Variants in BOP1 observed in about 807,000 individuals in gnomAD.
BOP1 encodes BOP1 ribosomal biogenesis factor.
In BOP1, 54 loss-of-function variants were observed where a neutral mutation model predicts 82.9. The ratio of observed to expected loss-of-function variants is 0.65; its 90% CI spans 0.52 to 0.82. BOP1 has a LOEUF of 0.82. Among genes scored for constraint, BOP1 ranks in the 40% least tolerant of loss-of-function variants. The probability of loss-of-function intolerance (pLI) is 0.00; values close to 1 mark genes in which losing one functional copy is unlikely to be tolerated. For missense variants in BOP1, 1,170 were observed against 1,072.0 expected (o/e 1.09, Z -1.28); for synonymous variants, 566 against 451.1 (o/e 1.25, Z -3.23).
At chr8:144,284,509 A>T (rs1554839261) in intron 2 of BOP1, among the ~76,000 whole-genome samples, 6 of 152,180 alleles carry the variant, frequency 3.9e-5, no homozygotes. Flanking sequence ...GGCCTCCCTG[A>T]CAGAACCATC....
chr8:144,286,589 C>T (rs111697310), intron 2 of BOP1, among the ~76,000 whole-genome samples: 2 of 130,478 alleles, frequency 1.5e-5, no homozygotes, highest in Non-Finnish European at 1.6e-5. Flanking sequence ...GGCAGATGCA[C>T]GGGCGCCATG....
intron 3 of BOP1, among the ~76,000 whole-genome samples, chr8:144,273,257 C>T (rs927297781): frequency 2.0e-5 from 3 of 152,214 alleles, no homozygotes; most frequent in Non-Finnish European, 2.9e-5. Context: ...GCGCTTGGCG[C>T]GAGAGCAGAG....
intron 3 of BOP1, chr8:144,268,419 T>C (rs1456507124): frequency 3.5e-6 from 2 of 575,720 alleles, no homozygotes; most frequent in Non-Finnish European, 6.1e-6. Flanking sequence ...TCTTGTGTTT[T>C]TGATATGATA....
intron 2 of BOP1, among the ~76,000 whole-genome samples, chr8:144,278,554 G>A (rs1237903591): frequency 9.2e-5 from 14 of 152,200 alleles, no homozygotes; most frequent in Admixed American, 3.3e-4. Flanking sequence ...GTCCCGGTTC[G>A]GTGGGAAGAG....
At chr8:144,262,712 C>T in intron 13 of BOP1, 40 bp from the exon 14 acceptor site, 1 of 1,607,308 alleles carries the variant, frequency 6.2e-7, no homozygotes, top group Non-Finnish European at 8.5e-7. Context: ...CCCGCTCTCA[C>T]CTGCAGGGTG....
intron 2 of BOP1, among the ~76,000 whole-genome samples, chr8:144,284,518 T>C (rs1444977844): frequency 6.6e-6 from 1 of 152,126 alleles, no homozygotes; most frequent in Non-Finnish European, 1.5e-5. Flanking sequence ...GACAGAACCA[T>C]CCTGAGACAG....
chr8:144,280,678 C>G (rs1845654593), intron 2 of BOP1, among the ~76,000 whole-genome samples: 1 of 152,168 alleles, frequency 6.6e-6, no homozygotes, highest in African/African-American at 2.4e-5. Context: ...CATGGAAAAC[C>G]CTGTCTCTAC....
At chr8:144,279,434 C>T (rs1415283370) in intron 2 of BOP1, among the ~76,000 whole-genome samples, 1 of 152,184 alleles carries the variant, frequency 6.6e-6, no homozygotes, top group Admixed American at 6.5e-5. Flanking sequence ...CTTAGGACCA[C>T]CACAGACCAG....
intron 3 of BOP1, among the ~76,000 whole-genome samples, chr8:144,269,729 C>T (rs995946905): frequency 2.0e-5 from 3 of 152,210 alleles, no homozygotes; most frequent in Non-Finnish European, 4.4e-5. Flanking sequence ...CAGAAGCCTC[C>T]GCCCGCCGGG....
intron 2 of BOP1, among the ~76,000 whole-genome samples, chr8:144,283,362 G>T (rs1397965607): frequency 6.6e-6 from 1 of 152,216 alleles, no homozygotes; most frequent in African/African-American, 2.4e-5. Flanking sequence ...TCCTGCCCTT[G>T]GGCAACAGCC....
intron 3 of BOP1, among the ~76,000 whole-genome samples, chr8:144,273,194 C>T (rs1845520175): frequency 6.6e-6 from 1 of 152,222 alleles, no homozygotes; most frequent in East Asian, 1.9e-4. Flanking sequence ...GGAGCGGAGG[C>T]CGCCAGCACT....
In BOP1 at chr8:144,263,835, G is replaced by A. The variant is rs1178199633; in HGVS notation, c.1217C>T (p.Ala406Val). The change falls in exon 9 of 16, where the codon GCC becomes GTC. Residue 406 changes from alanine to valine, a missense_variant. Ala to Val is a moderately conservative substitution (Grantham distance 64, BLOSUM62 0). Coordinates refer to ENST00000569669, the MANE Select transcript of BOP1 (RefSeq NM_015201.5). Reference protein sequence around the residue: ...RDLQPFPTCQALVYRGHSDLV... With the variant: ...RDLQPFPTCQVLVYRGHSDLV... ...AGCCCCCTAGTCTCCACTTACCAGG[G>A]CCTGGCACGTGGGGAAGGGCTGCAG... 1.5e-5 allele frequency: 24 copies of A among 1,611,070 alleles called. No homozygotes were observed. Among genetic ancestry groups the A allele is most frequent in the Admixed American group, 6.7e-5 (4 of 59,942 alleles).
chr8:144,269,419 T>C (rs1368969720), intron 3 of BOP1, among the ~76,000 whole-genome samples: 8 of 152,178 alleles, frequency 5.3e-5, no homozygotes, highest in Non-Finnish European at 8.8e-5. Context: ...GACCAGGTGC[T>C]GTGGCCCACG....
chr8:144,289,941 CCTCT>C (rs1242682370), intron 1 of BOP1, among the ~76,000 whole-genome samples: 3 of 152,242 alleles, frequency 2.0e-5, no homozygotes, highest in Admixed American at 1.3e-4. Context: ...CCCACCCACT[CCTCT>C]CTCTGAGCAG....
chr8:144,291,001 G>A lies in BOP1; in HGVS notation c.99+271C>T, dbSNP rs539258342. Among the ~76,000 whole-genome samples the A allele has an allele frequency of 6.8e-4, 103 of 152,358 alleles. 2 individuals carry two copies. The highest frequency in any genetic ancestry group is 2.4e-3 in the African/African-American group (100 of 41,582). On this transcript the variant is annotated intron_variant, in intron 1 of 15. Transcript: ENST00000569669. This position sits in a 1 kb window ranked among gnomAD's most constrained non-coding sequence, Gnocchi z 4.1. ...AGCCGAGCCCTTTTATTGGCAGGAT[G>A]CACAAATGGAACGGCTGGAGAGGCT...
intron 3 of BOP1, chr8:144,266,593 C>T: frequency 1.8e-6 from 2 of 1,098,626 alleles, no homozygotes; most frequent in Non-Finnish European, 2.2e-6. Context: ...ACAGAGCTGA[C>T]GCCGCGCCCC....
intron 3 of BOP1, among the ~76,000 whole-genome samples, chr8:144,270,719 C>G (rs1204873385): frequency 2.0e-5 from 3 of 152,172 alleles, no homozygotes; most frequent in African/African-American, 7.2e-5. Flanking sequence ...AGCCGCCGGG[C>G]AGACGAGTGG....
intron 2 of BOP1, among the ~76,000 whole-genome samples, chr8:144,278,232 C>T (rs587717309): frequency 7.0e-5 from 6 of 85,904 alleles, no homozygotes; most frequent in South Asian, 4.1e-4. Context: ...CGAGGGGGAG[C>T]GCAAGGACGA....
rs1244500521 is a variant in BOP1 at position 144,263,720 on chromosome 8, G to A, written c.1263C>T (p.Val421=). The change falls in exon 10 of 16, where the codon GTC becomes GTT. Residue 421 remains valine, a synonymous_variant. Transcript: ENST00000569669. Reference sequence around the variant, plus strand: ...AAACCAGCCACTGGCCCCCAGGAGAGACACTGAGGCACCGGACAAGGTCAC... The same window carrying A: ...AAACCAGCCACTGGCCCCCAGGAGAAACACTGAGGCACCGGACAAGGTCAC... ...GHSDLVRCLS[V]SPGGQWLVSG... The A allele has an allele frequency of 3.8e-6, 6 of 1,574,906 alleles. No homozygotes were observed. Among genetic ancestry groups the A allele is most frequent in the African/African-American group, 2.7e-5 (2 of 73,952 alleles).
Sources: gnomAD v4.1 joint callset for allele counts (sites outside exome capture counted in the v4.1 genomes callset) on GRCh38, gnomAD v4.1.1 for gene constraint, Gnocchi (gnomAD v3.1) non-coding constraint, MANE v1.5 for transcripts, NCBI Gene and HGNC (gene_info 2026-07-23, HGNC 2026-07-21) for gene names.